ZNF7: variants seen among roughly 807,000 people sequenced by gnomAD.
ZNF7 encodes zinc finger protein 7, also known as C2-H2 type zinc finger protein.
A neutral mutation model predicts 12.0 loss-of-function variants in ZNF7; 10 were observed. The observed-to-expected ratio is 0.83, with a 90% CI of 0.51 to 1.42. The LOEUF is 1.42. Among genes scored for constraint, ZNF7 ranks in the 40% most tolerant of loss-of-function variants. ZNF7 has a pLI of 0.00. For synonymous variants in ZNF7, 334 were observed against 295.0 expected (o/e 1.13, Z -1.35); for missense variants, 854 against 837.2 (o/e 1.02, Z -0.25).
At chr8:144,839,066 G>A (rs1277207442) in intron 4 of ZNF7, among the ~76,000 whole-genome samples, 3 of 53,378 alleles carry the variant, frequency 5.6e-5, no homozygotes, top group East Asian at 6.7e-4. Flanking sequence ...ATTCATATGC[G>A]CCTAGGGGCT....
intron 3 of ZNF7, chr8:144,834,935 G>C (rs1828826198): frequency 6.6e-6 from 1 of 151,828 alleles, no homozygotes; most frequent in African/African-American, 2.4e-5. Context: ...GTAGAGATGG[G>C]GTTTCACTAT....
rs778013111 is a variant in ZNF7, at chr8:144,841,731, T to C, written c.624T>C (p.Thr208=). The C allele has an allele frequency of 6.2e-7, 1 of 1,614,110 alleles. No individual in the cohort carries two copies. The highest frequency in any genetic ancestry group is 2.2e-5 in the East Asian group (1 of 44,882). ...AGTGTGGCAAAGGCATCAGAGCCAC[T>C]TCAGATATCGCTCTGCATTGGGAAA... is the stretch of plus-strand genomic sequence containing the variant. ...CEECGKGIRA[T]SDIALHWEIN... The change falls in exon 5 of 5, where the codon ACT becomes ACC. Residue 208 remains threonine (T), a synonymous_variant. Coordinates refer to ENST00000532777, the MANE Select transcript of ZNF7 (RefSeq NM_003416.4).
chr8:144,841,792 C>CA lies in ZNF7; in HGVS notation c.692dup (p.Leu232ValfsTer3). On this transcript the variant is annotated frameshift_variant, in exon 5 of 5. Coordinates refer to ENST00000532777, the MANE Select transcript of ZNF7 (RefSeq NM_003416.4). LOFTEE classifies it low-confidence loss of function (END_TRUNC). ...GAAAATTAGCAGATGTCAAGAATGC[C>CA]AAAAAAAGTTATCTGACTGCTTGCA... 2.5e-6 allele frequency: 4 copies of CA among 1,613,978 alleles called. No individual in the cohort carries two copies. Among genetic ancestry groups the CA allele is most frequent in the Non-Finnish European group, 3.4e-6 (4 of 1,180,008 alleles).
In ZNF7 at chr8:144,842,043, A is replaced by G; in HGVS notation, c.936A>G (p.Gly312=). 1.2e-6 allele frequency: 2 copies of G among 1,614,074 alleles called. No individual in the cohort carries two copies. The highest frequency in any genetic ancestry group is 1.7e-6 in the Non-Finnish European group (2 of 1,179,980). ...GEKPYRCEEC[G]KAFGQSSSLI... ...AGCCCTACAGATGTGAGGAATGTGG[A>G]AAAGCTTTTGGTCAGAGCTCAAGCC... The change falls in exon 5 of 5, where the codon GGA becomes GGG. Residue 312 remains glycine, a synonymous_variant. Transcript: ENST00000532777.
downstream of ZNF7, among the ~76,000 whole-genome samples, chr8:144,844,231 G>C (rs1217919342): frequency 6.6e-6 from 1 of 152,124 alleles, no homozygotes; most frequent in Non-Finnish European, 1.5e-5. Flanking sequence ...ATGCCTTACT[G>C]GGCCTGTCAG....
Position 144,843,225 on chromosome 8 carries a change from A to G in ZNF7, c.*57A>G. ...ATAAACCTATAGCCTTAACTTACTTATTTTATATGGAATCGTTTATACTGA... is the reference window on the plus strand; with the variant it reads ...ATAAACCTATAGCCTTAACTTACTTGTTTTATATGGAATCGTTTATACTGA... On this transcript the variant is annotated 3_prime_UTR_variant, in exon 5 of 5. Transcript: ENST00000532777. 1 of 1,491,364 alleles carries G rather than the reference A, an allele frequency of 6.7e-7. No homozygotes were observed. The highest frequency in any genetic ancestry group is 1.4e-5 in the South Asian group (1 of 71,704). 92.4% of individuals were successfully genotyped at this position (1,491,364 alleles called of 1,614,324 possible).
intron 3 of ZNF7, 97 bp downstream of exon 3, chr8:144,829,701 C>G: frequency 4.1e-6 from 6 of 1,469,628 alleles, no homozygotes; most frequent in Non-Finnish European, 5.5e-6. Context: ...GCCAAACGCT[C>G]AGACCCTTGT....
At chr8:144,833,543 AT>A in intron 3 of ZNF7, among the ~76,000 whole-genome samples, 1 of 151,392 alleles carries the variant, frequency 6.6e-6, no homozygotes. Context: ...CACCCGGCCA[AT>A]TTTTTGTATT....
Position 144,829,074 on chromosome 8 carries a change from C to T in ZNF7, c.-14C>T. The T allele has an allele frequency of 6.2e-7, 1 of 1,614,070 alleles. No homozygotes were observed. The highest frequency in any genetic ancestry group is 8.5e-7 in the Non-Finnish European group (1 of 1,179,978). On this transcript the variant is annotated 5_prime_UTR_variant, in exon 2 of 5. Coordinates refer to ENST00000532777, the MANE Select transcript of ZNF7 (RefSeq NM_003416.4). ...CGGCCAGAACACGTGGATGCCCACC[C>T]ACCACTGAGCCTCATGGTAGGAAGC...
chr8:144,828,405 C>T (rs1208942697), intron 1 of ZNF7, among the ~76,000 whole-genome samples: 5 of 152,198 alleles, frequency 3.3e-5, no homozygotes, highest in Non-Finnish European at 7.3e-5. Context: ...TACAGTTTGT[C>T]ATTTTTGCTC....
At chr8:144,830,347 A>G (rs530047443) in intron 3 of ZNF7, among the ~76,000 whole-genome samples, 2 of 152,318 alleles carry the variant, frequency 1.3e-5, no homozygotes, top group East Asian at 1.9e-4. Flanking sequence ...TGCCAGTCAG[A>G]TAAGTGTACA....
chr8:144,827,739 G>T, intron 1 of ZNF7, 130 bp downstream of exon 1: 1 of 946,404 alleles, frequency 1.1e-6, no homozygotes, highest in Non-Finnish European at 1.3e-6. Context: ...GAAAGCGCGG[G>T]GGCTTTGCGG....
chr8:144,827,714 C>T, intron 1 of ZNF7, 105 bp downstream of exon 1: 46 of 976,636 alleles, frequency 4.7e-5, no homozygotes, highest in Non-Finnish European at 5.5e-5. Flanking sequence ...CCGCGTCCCC[C>T]GGGCCTCCAG....
intron 3 of ZNF7, 78 bp downstream of exon 3, chr8:144,829,682 G>A (rs1445153643): frequency 2.6e-6 from 4 of 1,525,416 alleles, no homozygotes; most frequent in Middle Eastern, 2.3e-4. Flanking sequence ...CAGAGGCTGG[G>A]GTATGCAGGC....
chr8:144,843,382 G>T lies in ZNF7; in HGVS notation c.*214G>T, dbSNP rs1490962636. 3 of 499,916 alleles carry T rather than the reference G, an allele frequency of 6.0e-6. No individual in the cohort carries two copies. The highest frequency in any genetic ancestry group is 1.0e-5 in the Non-Finnish European group (3 of 294,208). 31.0% of individuals were successfully genotyped at this position (499,916 alleles called of 1,614,324 possible). Reference sequence around the variant, plus strand: ...AGGCGGGCACATCACGAGGTCAGGAGGTTGAGACCATCCTGGGTAACAGGT... The same window carrying T: ...AGGCGGGCACATCACGAGGTCAGGATGTTGAGACCATCCTGGGTAACAGGT... On this transcript the variant is annotated 3_prime_UTR_variant, in exon 5 of 5. Transcript: ENST00000532777.
chr8:144,841,471 T>G lies in ZNF7; in HGVS notation c.364T>G (p.Phe122Val). Residue 122 changes from phenylalanine to valine, a missense_variant, in exon 5 of 5, where the codon TTT becomes GTT. Physicochemically the swap from Phe to Val is conservative, Grantham distance 50. Transcript: ENST00000532777. ...SPQDFPQNPG[F>V]GDVSDSEVWL... ...ACAGGACTTTCCTCAGAATCCTGGC[T>G]TTGGAGACGTTTCTGATTCTGAGGT... The G allele has an allele frequency of 1.2e-6, 2 of 1,614,234 alleles. No homozygotes were observed. Among genetic ancestry groups the G allele is most frequent in the Non-Finnish European group, 1.7e-6 (2 of 1,180,046 alleles).
At chr8:144,831,781 TAAA>T (rs34934472) in intron 3 of ZNF7, among the ~76,000 whole-genome samples, 22 of 64,270 alleles carry the variant, frequency 3.4e-4, no homozygotes, top group Admixed American at 1.4e-3. Context: ...AGACTCCATC[TAAA>T]AAAAAAAAAA....
At chr8:144,828,712 ACT>A in intron 1 of ZNF7, 1 of 319,140 alleles carries the variant, frequency 3.1e-6, no homozygotes, top group Non-Finnish European at 6.0e-6. Flanking sequence ...TGGTTATTTA[ACT>A]CTTTCCTCCG....
intron 3 of ZNF7, among the ~76,000 whole-genome samples, chr8:144,833,342 GTTTT>G (rs1418111031): frequency 7.1e-6 from 1 of 140,728 alleles, no homozygotes; most frequent in Non-Finnish European, 1.5e-5. Flanking sequence ...GTTTGTTTTG[GTTTT>G]TTTTTGTTTG....
Sources: gnomAD v4.1 joint callset for allele counts (sites outside exome capture counted in the v4.1 genomes callset) on GRCh38, gnomAD v4.1.1 for gene constraint, MANE v1.5 for transcripts, NCBI Gene and HGNC (gene_info 2026-07-23, HGNC 2026-07-21) for gene names.